Variants in UNC13C observed in about 807,000 individuals in gnomAD.
The protein encoded by UNC13C is protein unc-13 homolog C.
A neutral mutation model predicts 245.4 loss-of-function variants in UNC13C; 174 were observed. The observed-to-expected ratio is 0.71, with a 90% CI of 0.63 to 0.80. The LOEUF (loss-of-function observed/expected upper bound fraction) is 0.80, where lower values mean the gene tolerates loss of function less well. Ranked by LOEUF, UNC13C falls within the 30% of genes least tolerant of loss-of-function variation. UNC13C has a pLI of 0.00. For synonymous variants in UNC13C, 992 were observed against 895.1 expected, an observed-to-expected ratio of 1.11 and a Z score of -1.93; for missense variants, 2,829 against 2,602.9, an observed-to-expected ratio of 1.09 and a Z score of -1.89.
chr15:53,978,985 A>G (rs935735474), intron 1 of UNC13C, among the ~76,000 whole-genome samples, 58 bp downstream of exon 1: 3 of 151,982 alleles, frequency 2.0e-5, no homozygotes, highest in Non-Finnish European at 4.4e-5. Flanking sequence ...TTCTGTCTGT[A>G]TTTTCCTGTC....
intron 9 of UNC13C, among the ~76,000 whole-genome samples, 161 bp downstream of exon 9, chr15:54,264,556 C>T (rs1434427542): frequency 6.7e-6 from 1 of 149,630 alleles, no homozygotes; most frequent in African/African-American, 2.5e-5. Flanking sequence ...AAAATACATA[C>T]TAGATAAGTG....
intron 17 of UNC13C, among the ~76,000 whole-genome samples, chr15:54,363,017 A>G (rs930870735): frequency 6.6e-6 from 1 of 152,220 alleles, no homozygotes; most frequent in African/African-American, 2.4e-5. Flanking sequence ...CAAGTGCAAG[A>G]TCTCAGAGAT....
intron 8 of UNC13C, 61 bp downstream of exon 8, chr15:54,250,505 A>G: frequency 3.5e-6 from 5 of 1,446,470 alleles, no homozygotes; most frequent in Non-Finnish European, 4.6e-6. Flanking sequence ...CATCTGTTTC[A>G]TGTTAGATCA....
At chr15:54,020,157 A>G (rs1042654703) in intron 2 of UNC13C, among the ~76,000 whole-genome samples, 2 of 152,236 alleles carry the variant, frequency 1.3e-5, no homozygotes, top group Non-Finnish European at 2.9e-5. Context: ...TTTGAAGAGC[A>G]CTACTAAAAG....
chr15:54,316,106 G>C (rs946161518), intron 13 of UNC13C, among the ~76,000 whole-genome samples: 3 of 151,756 alleles, frequency 2.0e-5, no homozygotes, highest in African/African-American at 7.3e-5. Flanking sequence ...AGAGTTCCTT[G>C]CTAATACTTT....
intron 19 of UNC13C, among the ~76,000 whole-genome samples, chr15:54,425,138 A>G (rs1443565712): frequency 1.3e-5 from 2 of 152,016 alleles, no homozygotes; most frequent in Middle Eastern, 6.8e-3. Flanking sequence ...ATTCTTTTAC[A>G]TGAATAAACA....
chr15:54,358,861 G>T (rs8030918), intron 17 of UNC13C, among the ~76,000 whole-genome samples: 71,012 of 151,708 alleles, frequency 0.47, 16,984 homozygotes, highest in East Asian at 0.73. Flanking sequence ...TTGAATAAAA[G>T]CAGTGAAAGT....
chr15:54,300,129 G>C, intron 12 of UNC13C, 81 bp from the exon 13 acceptor site: 1 of 1,335,490 alleles, frequency 7.5e-7, no homozygotes, highest in South Asian at 1.4e-5. Context: ...CAGTGCAAGA[G>C]CATTTTACTG....
intron 4 of UNC13C, among the ~76,000 whole-genome samples, chr15:54,184,114 T>A (rs1301535619): frequency 6.6e-6 from 1 of 152,108 alleles, no homozygotes; most frequent in Non-Finnish European, 1.5e-5. Flanking sequence ...TGATTTAGTA[T>A]GTTTTTAGAT....
chr15:54,168,336 T>G (rs1312188047), intron 4 of UNC13C, among the ~76,000 whole-genome samples: 1 of 152,192 alleles, frequency 6.6e-6, no homozygotes, highest in Non-Finnish European at 1.5e-5. Context: ...GTGTGACAAT[T>G]TCATCGAGTT....
chr15:54,325,937 T>C (rs775051744), intron 14 of UNC13C, among the ~76,000 whole-genome samples: 59 of 151,964 alleles, frequency 3.9e-4, no homozygotes, highest in Non-Finnish European at 4.0e-4. Flanking sequence ...TAAACATGTT[T>C]ATAGAGTGTT....
chr15:54,512,296 G>GTGATGTGTCTC (rs1485975769), intron 24 of UNC13C: 8 of 455,256 alleles, frequency 1.8e-5, no homozygotes, highest in Non-Finnish European at 3.5e-5. Flanking sequence ...TGATGTGTCT[G>GTGATGTGTCTC]TAATGTGTCA....
At chr15:54,133,152 T>C (rs886416609) in intron 2 of UNC13C, among the ~76,000 whole-genome samples, 1 of 152,148 alleles carries the variant, frequency 6.6e-6, no homozygotes, top group African/African-American at 2.4e-5. Context: ...ATCATAGAAT[T>C]TAGAGCTAGA....
intron 4 of UNC13C, among the ~76,000 whole-genome samples, chr15:54,171,613 G>A (rs772012621): frequency 6.6e-6 from 1 of 152,066 alleles, no homozygotes; most frequent in Non-Finnish European, 1.5e-5. Context: ...ACAAATGCTG[G>A]TGAGAATGTG....
chr15:54,220,472 G>T (rs12913512), intron 4 of UNC13C, among the ~76,000 whole-genome samples: 2 of 149,508 alleles, frequency 1.3e-5, no homozygotes, highest in Admixed American at 6.6e-5. Context: ...GGGAGGGATA[G>T]CATTAGGAGA....
intron 4 of UNC13C, among the ~76,000 whole-genome samples, chr15:54,229,754 T>A (rs1208868274): frequency 1.3e-5 from 2 of 152,116 alleles, no homozygotes; most frequent in African/African-American, 4.8e-5. Context: ...ATTTTCTGTA[T>A]CTTTTGACCA....
At chr15:53,938,225 C>T in the UNC13C span, among the ~76,000 whole-genome samples, 1 of 152,002 alleles carries the variant, frequency 6.6e-6, no homozygotes, top group African/African-American at 2.4e-5. Flanking sequence ...AGTCACATTC[C>T]TAGTTTCTGA....
intron 19 of UNC13C, among the ~76,000 whole-genome samples, chr15:54,474,582 A>G (rs2141049050): frequency 6.6e-6 from 1 of 151,710 alleles, no homozygotes; most frequent in East Asian, 1.9e-4. Flanking sequence ...TATGTTCTGG[A>G]TATTATTTTT....
At chr15:54,238,063 A>G (rs895111408) in intron 7 of UNC13C, among the ~76,000 whole-genome samples, 9 of 138,470 alleles carry the variant, frequency 6.5e-5, no homozygotes, top group African/African-American at 2.5e-4. Context: ...TTTCCTCCTC[A>G]GGACTTTTAT....
Sources: gnomAD v4.1 joint callset for allele counts (sites outside exome capture counted in the v4.1 genomes callset) on GRCh38, gnomAD v4.1.1 for gene constraint, MANE v1.5 for transcripts, NCBI Gene and HGNC (gene_info 2026-07-23, HGNC 2026-07-21) for gene names.